The following PRR16 variants were observed in gnomAD, a reference collection of about 807,000 sequenced individuals.
The protein encoded by PRR16 is proline rich 16, also known as protein Largen.
Under a neutral mutation model 18.2 loss-of-function variants are expected in PRR16, and 6 were observed. That is an observed-to-expected ratio of 0.33 (90% confidence interval 0.18 to 0.65). The LOEUF (loss-of-function observed/expected upper bound fraction) is 0.65. Among genes scored for constraint, PRR16 ranks in the 30% least tolerant of loss-of-function variants. The pLI is 0.74. For synonymous variants in PRR16, 151 were observed against 147.8 expected, an observed-to-expected ratio of 1.02 and a Z score of -0.16; for missense variants, 412 against 376.6, an observed-to-expected ratio of 1.09 and a Z score of -0.78.
chr5:120,681,135 T>G (rs935767118), intron 1 of PRR16, among the ~76,000 whole-genome samples: 10 of 152,310 alleles, frequency 6.6e-5, no homozygotes, highest in Non-Finnish European at 1.5e-4. Context: ...TACACTCTTG[T>G]AATTGCAAAT....
At chr5:120,674,947 G>A (rs532103270) in intron 1 of PRR16, among the ~76,000 whole-genome samples, 17 of 148,398 alleles carry the variant, frequency 1.1e-4, no homozygotes, top group African/African-American at 3.5e-4. Context: ...CTTTTTTTAC[G>A]TATGTGTTAT....
intron 1 of PRR16, among the ~76,000 whole-genome samples, chr5:120,545,346 A>G (rs1284861248): frequency 6.6e-6 from 1 of 152,108 alleles, no homozygotes; most frequent in Non-Finnish European, 1.5e-5. Context: ...TAGACACTTT[A>G]TTTGAAATAA....
the PRR16 span, among the ~76,000 whole-genome samples, chr5:120,778,382 C>T: frequency 2.0e-5 from 3 of 152,092 alleles, no homozygotes; most frequent in African/African-American, 7.2e-5. Context: ...GACATTTTTC[C>T]TATCCTTAAT....
At chr5:120,749,137 TTAAAAC>T in the PRR16 span, among the ~76,000 whole-genome samples, 3 of 152,098 alleles carry the variant, frequency 2.0e-5, no homozygotes, top group African/African-American at 7.2e-5. Flanking sequence ...TATCTATAAA[TTAAAAC>T]TAAAGCAACG....
At chr5:120,703,555 C>T in the PRR16 span, among the ~76,000 whole-genome samples, 2 of 152,186 alleles carry the variant, frequency 1.3e-5, no homozygotes, top group Non-Finnish European at 2.9e-5. Context: ...CAGCTGCCAT[C>T]CCAATATGTA....
the PRR16 span, among the ~76,000 whole-genome samples, chr5:120,723,871 A>C: frequency 4.6e-5 from 7 of 151,894 alleles, no homozygotes; most frequent in Non-Finnish European, 1.0e-4. Flanking sequence ...ATTTGAGGCT[A>C]TTAATTTTAT....
intron 1 of PRR16, among the ~76,000 whole-genome samples, chr5:120,545,486 C>T (rs1752047680): frequency 2.0e-5 from 3 of 151,920 alleles, no homozygotes; most frequent in African/African-American, 7.2e-5. Flanking sequence ...AAAAAGCTCA[C>T]CTTATACTTT....
In PRR16 at chr5:120,613,428, G is replaced by A. The variant is rs147497870; in HGVS notation, c.160-72526G>A. Among the ~76,000 whole-genome samples, 406 of 151,516 alleles carry A rather than the reference G, an allele frequency of 2.7e-3. 2 individuals are homozygous for A. The highest frequency in any genetic ancestry group is 9.4e-3 in the African/African-American group (391 of 41,378). ...ATTATGTATTATTATAGAAAGTCAA[G>A]CTCTGTATTTTTCAATAATTACTTA... On this transcript the variant is annotated intron_variant, in intron 1 of 1. Coordinates refer to ENST00000407149, the MANE Select transcript of PRR16 (RefSeq NM_001300783.2).
At chr5:120,516,502 C>T (rs1472257719) in intron 1 of PRR16, among the ~76,000 whole-genome samples, 1 of 150,152 alleles carries the variant, frequency 6.7e-6, no homozygotes, top group African/African-American at 2.5e-5. Context: ...CACACACACA[C>T]ACACACACAC....
chr5:120,628,179 C>T (rs1302314717), intron 1 of PRR16, among the ~76,000 whole-genome samples: 2 of 152,022 alleles, frequency 1.3e-5, no homozygotes, highest in Non-Finnish European at 2.9e-5. Context: ...TGTTTTGTTT[C>T]ACTTCATGTT....
chr5:120,484,601 A>T (rs751722450), intron 1 of PRR16, among the ~76,000 whole-genome samples: 1 of 146,034 alleles, frequency 6.8e-6, no homozygotes, highest in African/African-American at 2.5e-5. Context: ...TATAATATAT[A>T]ATATATTATA....
At position 120,585,578 on chromosome 5, in the gene PRR16, C is replaced by T. The variant is rs563485141; in HGVS notation, c.160-100376C>T. The stretch of plus-strand genomic sequence containing the variant: ...AGGATGCAGTGAGCTGAGATCGTGT[C>T]GTTCACTCCAGCCTGGCAGACAGAG... On this transcript the variant is annotated intron_variant, in intron 1 of 1. Transcript: ENST00000407149. Among the ~76,000 whole-genome samples, 8 of 151,158 alleles carry T rather than the reference C, an allele frequency of 5.3e-5. No individual in the cohort carries two copies. In the South Asian group the frequency reaches 8.4e-4, roughly 16 times the overall value.
intron 1 of PRR16, among the ~76,000 whole-genome samples, chr5:120,661,879 G>T (rs1359705037): frequency 3.9e-5 from 6 of 152,030 alleles, no homozygotes; most frequent in Non-Finnish European, 5.9e-5. Context: ...TTCTGTCTGA[G>T]GAACCACTAG....
At chr5:120,789,966 G>A in the PRR16 span, 3 of 152,038 alleles carry the variant, frequency 2.0e-5, no homozygotes, top group Non-Finnish European at 2.9e-5. Context: ...CCTTCAGGTT[G>A]GAAGGAATAC....
chr5:120,585,632 C>T (rs1753415657), intron 1 of PRR16, among the ~76,000 whole-genome samples: 2 of 148,474 alleles, frequency 1.3e-5, no homozygotes, highest in Admixed American at 6.7e-5. Context: ...AAAAAAAAAG[C>T]TCCTTCTTCA....
chr5:120,604,947 C>T (rs1754106489), intron 1 of PRR16, among the ~76,000 whole-genome samples: 1 of 152,186 alleles, frequency 6.6e-6, no homozygotes, highest in Non-Finnish European at 1.5e-5. Context: ...TGTCCCTTCT[C>T]TGTCGCTGCC....
At chr5:120,696,049 T>A in the PRR16 span, among the ~76,000 whole-genome samples, 2 of 152,046 alleles carry the variant, frequency 1.3e-5, no homozygotes, top group African/African-American at 4.8e-5. Context: ...GAGACCAGCC[T>A]GACAAAGATG....
At chr5:120,736,858 G>C in the PRR16 span, among the ~76,000 whole-genome samples, 80,445 of 151,702 alleles carry the variant, frequency 0.53, 21,778 homozygotes, top group East Asian at 0.8. Flanking sequence ...ATTGTAAATA[G>C]TATTGCTTTC....
At chr5:120,487,141 G>A (rs1016736953) in intron 1 of PRR16, among the ~76,000 whole-genome samples, 17 of 152,202 alleles carry the variant, frequency 1.1e-4, no homozygotes, top group Admixed American at 6.5e-4. Context: ...CTCTTTTCTC[G>A]TTCCATATGA....
Sources: gnomAD v4.1 joint callset for allele counts (sites outside exome capture counted in the v4.1 genomes callset) on GRCh38, gnomAD v4.1.1 for gene constraint, MANE v1.5 for transcripts, NCBI Gene and HGNC (gene_info 2026-07-23, HGNC 2026-07-21) for gene names.